Variants in HRK observed in about 807,000 individuals in gnomAD.
HRK encodes the protein harakiri, BCL2 interacting protein, also known as activator of apoptosis harakiri.
In HRK, 6 loss-of-function variants were observed where a neutral mutation model predicts 5.9. That is an observed-to-expected ratio of 1.02 (90% CI 0.56 to 2.01). HRK has a LOEUF of 2.01. Among genes scored for constraint, HRK ranks in the 30% most tolerant of loss-of-function variants. The pLI is 0.00. For synonymous variants in HRK, 85 were observed against 65.1 expected (o/e 1.31, Z -1.47); for missense variants, 133 against 128.3 (o/e 1.04, Z -0.18).
chr12:116,880,989 C>G lies in HRK; in HGVS notation c.*43G>C. On this transcript the variant is annotated 3_prime_UTR_variant, in exon 1 of 2. Transcript: ENST00000257572. The stretch of plus-strand genomic sequence containing the variant: ...TCGCTCGCGTACCTGTTGCTCGCTC[C>G]GGCTGGGTCTCGGCTCCGGCCCCAC... 1 of 1,266,728 alleles carries G rather than the reference C, an allele frequency of 7.9e-7. No homozygotes were observed. Among genetic ancestry groups the G allele is most frequent in the Non-Finnish European group, 1.0e-6 (1 of 999,776 alleles). The allele number at this position is 1,266,728 out of a possible 1,614,324, so 78.5% of individuals were successfully genotyped here.
intron 1 of HRK, among the ~76,000 whole-genome samples, chr12:116,868,270 T>C (rs1278049648): frequency 9.7e-6 from 1 of 103,476 alleles, no homozygotes; most frequent in East Asian, 2.7e-4. Flanking sequence ...TGCCTGACTT[T>C]TAAGTGTTGG....
In HRK at chr12:116,879,934, T is replaced by A. The variant is rs959336211; in HGVS notation, c.*56+1042A>T. 6.6e-6 allele frequency among the ~76,000 whole-genome samples: 1 copy of A among 152,182 alleles called. No individual in the cohort carries two copies. The highest frequency in any genetic ancestry group is 2.4e-5 in the African/African-American group (1 of 41,468). Reference sequence around the variant, plus strand: ...CCCATCTATGGTGGGCTCAGCCTGATTCTCTCTCCCTCATTCTCTGCAGCG... The same window carrying A: ...CCCATCTATGGTGGGCTCAGCCTGAATCTCTCTCCCTCATTCTCTGCAGCG... On this transcript the variant is annotated intron_variant, in intron 1 of 1. Coordinates refer to ENST00000257572, the MANE Select transcript of HRK (RefSeq NM_003806.4). The surrounding 1 kb of genome is among the most constrained non-coding windows in gnomAD (Gnocchi z 5.6).
rs932999640 is a variant in HRK, at chr12:116,862,820, C to T, written c.*57-1354G>A. ...GATCTCAGCTCACTGCAACCTCTGCCTCCTGGGTTCAAGCAACCTCTGCCT... is the reference window on the plus strand; with the variant it reads ...GATCTCAGCTCACTGCAACCTCTGCTTCCTGGGTTCAAGCAACCTCTGCCT... On this transcript the variant is annotated intron_variant, in intron 1 of 1. Transcript: ENST00000257572. This position sits in a 1 kb window ranked among gnomAD's most constrained non-coding sequence, Gnocchi z 4.0. 6.6e-6 allele frequency among the ~76,000 whole-genome samples: 1 copy of T among 152,138 alleles called. No individual in the cohort carries two copies.
At chr12:116,866,862 T>C (rs1354743747) in intron 1 of HRK, among the ~76,000 whole-genome samples, 1 of 152,206 alleles carries the variant, frequency 6.6e-6, no homozygotes, top group East Asian at 1.9e-4. Flanking sequence ...ATACAGACTC[T>C]TCTTAAGGCA....
At chr12:116,872,611 C>T (rs1306415514) in intron 1 of HRK, among the ~76,000 whole-genome samples, 4 of 151,644 alleles carry the variant, frequency 2.6e-5, no homozygotes, top group East Asian at 2.0e-4. Flanking sequence ...CCTGTCTCTA[C>T]AAAAAATACA....
chr12:116,860,329 A>G lies in HRK; in HGVS notation c.*1194T>C, dbSNP rs1047457130. ...GTAGCTTATCCTTGGGGGGAAAAAA[A>G]TCAGACCTCTGTCAATCAGTGAGAT... On this transcript the variant is annotated 3_prime_UTR_variant, in exon 2 of 2. Transcript: ENST00000257572. 3 of 152,204 alleles carry G rather than the reference A, an allele frequency of 2.0e-5. No individual in the cohort carries two copies. Among genetic ancestry groups the G allele is most frequent in the Non-Finnish European group, 4.4e-5 (3 of 68,048 alleles). The allele number at this position is 152,204 out of a possible 1,614,324, so 9.4% of individuals were successfully genotyped here. A position where few individuals can be genotyped will look rare whatever the true frequency, so the allele number is the denominator to read the frequency against.
chr12:116,856,660 GTGCTGGCAC>G lies in HRK; in HGVS notation c.*4854_*4862del, dbSNP rs1044742116. 6.6e-6 allele frequency: 1 copy of G among 152,296 alleles called. No individual in the cohort carries two copies. The highest frequency in any genetic ancestry group is 6.5e-5 in the Admixed American group (1 of 15,288). 9.4% of individuals were successfully genotyped at this position (152,296 alleles called of 1,614,324 possible). ...AGGCCCCGGCTCCCAGTGGGGCCATGTGCTGGCACTCGCCCTGGAACTAGCAGTGCTGTG... is the reference window on the plus strand; with the variant it reads ...AGGCCCCGGCTCCCAGTGGGGCCATGTCGCCCTGGAACTAGCAGTGCTGTG... On this transcript the variant is annotated 3_prime_UTR_variant, in exon 2 of 2. Coordinates refer to ENST00000257572, the MANE Select transcript of HRK (RefSeq NM_003806.4). The surrounding 1 kb of genome is among the most constrained non-coding windows in gnomAD (Gnocchi z 4.4).
chr12:116,871,792 A>G (rs1256159150), intron 1 of HRK, among the ~76,000 whole-genome samples: 4 of 151,414 alleles, frequency 2.6e-5, no homozygotes, highest in Non-Finnish European at 2.9e-5. Context: ...ATGCTTGGCT[A>G]ATTTTTCTTT....
In HRK at chr12:116,857,390, A is replaced by G. The variant is rs921444961; in HGVS notation, c.*4133T>C. 2 of 152,240 alleles carry G rather than the reference A, an allele frequency of 1.3e-5. No individual in the cohort carries two copies. The highest frequency in any genetic ancestry group is 4.8e-5 in the African/African-American group (2 of 41,454). The allele number at this position is 152,240 out of a possible 1,614,324, so 9.4% of individuals were successfully genotyped here. A position where few individuals can be genotyped will look rare whatever the true frequency, so the allele number is the denominator to read the frequency against. ...ACTTCCAGTCAGCTCCATGGGACTA[A>G]GAAGAGTGTCTAGCTGGTCCCCCAA... On this transcript the variant is annotated 3_prime_UTR_variant, in exon 2 of 2. Transcript: ENST00000257572.
chr12:116,881,431 T>C lies in HRK; in HGVS notation c.-124A>G, dbSNP rs934109227. Reference sequence around the variant, plus strand: ...CCTCCCCTGGACACCAAGTTTCTCCTTGTGTTGTGCGTTTGTTGTGCTGAC... The same window carrying C: ...CCTCCCCTGGACACCAAGTTTCTCCCTGTGTTGTGCGTTTGTTGTGCTGAC... On this transcript the variant is annotated 5_prime_UTR_variant, in exon 1 of 2. Transcript: ENST00000257572. 7.0e-5 allele frequency: 59 copies of C among 846,762 alleles called. No homozygotes were observed. In the African/African-American group the frequency reaches 1.1e-3, roughly 16 times the overall value. 52.5% of individuals were successfully genotyped at this position (846,762 alleles called of 1,614,324 possible). A position where few individuals can be genotyped will look rare whatever the true frequency, so the allele number is the denominator to read the frequency against.
intron 1 of HRK, among the ~76,000 whole-genome samples, chr12:116,872,224 G>A (rs1283151997): frequency 6.6e-6 from 1 of 152,076 alleles, no homozygotes. Context: ...CAAAAATTAA[G>A]CCAGGTGTGG....
At chr12:116,871,630 TA>T (rs1464373523) in intron 1 of HRK, among the ~76,000 whole-genome samples, 5 of 149,376 alleles carry the variant, frequency 3.3e-5, no homozygotes, top group Non-Finnish European at 5.9e-5. Flanking sequence ...GTATTATTAT[TA>T]TTTTTTTTTT....
rs182598324 is a variant in HRK at position 116,871,541 on chromosome 12, T to C, written c.*56+9435A>G. Among the ~76,000 whole-genome samples, 68 of 148,358 alleles carry C rather than the reference T, an allele frequency of 4.6e-4. 1 individual carries two copies. Among genetic ancestry groups the C allele is most frequent in the Non-Finnish European group, 4.4e-5 (3 of 67,418 alleles). ...CTGGTCTTGAACTCCTGACCTCAAA[T>C]GATCCACCCACCTCGGCCTCCCAAA... On this transcript the variant is annotated intron_variant, in intron 1 of 1. Transcript: ENST00000257572.
At position 116,865,068 on chromosome 12, in the gene HRK, A is replaced by G. The variant is rs182068110; in HGVS notation, c.*57-3602T>C. Among the ~76,000 whole-genome samples, 554 of 152,238 alleles carry G rather than the reference A, an allele frequency of 3.6e-3. 5 individuals carry two copies. Among genetic ancestry groups the G allele is most frequent in the Middle Eastern group, 0.01 (3 of 294 alleles). On this transcript the variant is annotated intron_variant, in intron 1 of 1. Transcript: ENST00000257572. ...GCAGAGAGGGAGAACTTGAACCCAC[A>G]AGGTCCTGCCTCCGTGGGCTGCAGT...
intron 1 of HRK, among the ~76,000 whole-genome samples, chr12:116,872,871 C>T (rs1209619953): frequency 9.7e-6 from 1 of 102,656 alleles, no homozygotes; most frequent in African/African-American, 3.9e-5. Flanking sequence ...GGGAGGGAGG[C>T]AGGCAGGGAG....
Position 116,860,622 on chromosome 12 carries a change from A to C in HRK, c.*901T>G, listed in dbSNP as rs1270554869. ...AATGCCATCCTCCCTCCTAGACCCC[A>C]AGGTTTGCTCCAAACCACCTCTGGA... On this transcript the variant is annotated 3_prime_UTR_variant, in exon 2 of 2. Transcript: ENST00000257572. The C allele has an allele frequency of 6.6e-6, 1 of 151,936 alleles. No individual in the cohort carries two copies. The highest frequency in any genetic ancestry group is 1.5e-5 in the Non-Finnish European group (1 of 68,006). The allele number at this position is 151,936 out of a possible 1,614,324, so 9.4% of individuals were successfully genotyped here.
At chr12:116,865,161 G>A (rs1285900656) in intron 1 of HRK, among the ~76,000 whole-genome samples, 1 of 152,134 alleles carries the variant, frequency 6.6e-6, no homozygotes, top group Non-Finnish European at 1.5e-5. Flanking sequence ...AGCATTAGAT[G>A]GGGCAAGAGG....
intron 1 of HRK, among the ~76,000 whole-genome samples, chr12:116,867,049 G>A (rs1329220295): frequency 2.0e-5 from 3 of 151,874 alleles, no homozygotes; most frequent in African/African-American, 7.3e-5. Flanking sequence ...CAGCACTTTG[G>A]GAGGCCAAAA....
rs561842315 is a variant in HRK, at chr12:116,870,527, C to T, written c.*57-9061G>A. On this transcript the variant is annotated intron_variant, in intron 1 of 1. Transcript: ENST00000257572. ...ACACCTGACATATAAAGGCCAGTGA[C>T]ATGGGCTGGGCACAGTGGCTCACAC... Among the ~76,000 whole-genome samples, 5 of 152,264 alleles carry T rather than the reference C, an allele frequency of 3.3e-5. No homozygotes were observed. The South Asian group carries it at 8.3e-4, about 25-fold the overall frequency.
Sources: gnomAD v4.1 joint callset for allele counts (sites outside exome capture counted in the v4.1 genomes callset) on GRCh38, gnomAD v4.1.1 for gene constraint, Gnocchi (gnomAD v3.1) non-coding constraint, MANE v1.5 for transcripts, NCBI Gene and HGNC (gene_info 2026-07-23, HGNC 2026-07-21) for gene names.